Variants in PRKD1 observed in about 807,000 individuals in gnomAD.
PRKD1 encodes serine/threonine-protein kinase D1.
PRKD1 carries 63 observed loss-of-function variants against 95.9 expected under a neutral mutation model. The ratio of observed to expected loss-of-function variants is 0.66; its 90% CI spans 0.54 to 0.81. The LOEUF is 0.81. Ranked by LOEUF, PRKD1 falls within the 30% of genes least tolerant of loss-of-function variation. PRKD1 has a pLI of 0.00. For missense variants in PRKD1, 1,048 were observed against 1,165.3 expected (o/e 0.90, Z 1.47); for synonymous variants, 425 against 423.1 (o/e 1.00, Z -0.05).
chr14:29,821,525 G>A (rs1890910301), intron 1 of PRKD1, among the ~76,000 whole-genome samples: 1 of 152,136 alleles, frequency 6.6e-6, no homozygotes, highest in African/African-American at 2.4e-5. Flanking sequence ...CAGAGTTCAA[G>A]TTAAGTTCTC....
At chr14:29,801,467 C>T (rs1254187425) in intron 1 of PRKD1, among the ~76,000 whole-genome samples, 1 of 152,144 alleles carries the variant, frequency 6.6e-6, no homozygotes, top group Admixed American at 6.5e-5. Flanking sequence ...GGAAAAAGAA[C>T]CACTTGAGGC....
chr14:29,651,415 A>T (rs1419615490), intron 4 of PRKD1, among the ~76,000 whole-genome samples: 2 of 152,222 alleles, frequency 1.3e-5, no homozygotes, highest in Non-Finnish European at 2.9e-5. Context: ...TAAAATGGCA[A>T]CATCATCACT....
In PRKD1 at chr14:29,886,066, A is replaced by C. The variant is rs191934343; in HGVS notation, c.264+41183T>G. Among the ~76,000 whole-genome samples, 153 of 152,328 alleles carry C rather than the reference A, an allele frequency of 1.0e-3. 1 individual carries two copies. The highest frequency in any genetic ancestry group is 5.0e-4 in the Non-Finnish European group (34 of 68,024). The stretch of plus-strand genomic sequence containing the variant: ...TATAAGAAAATACTCTCCGGTATCC[A>C]CACAAAGCCCCTTCACGTAGCAGTG... On this transcript the variant is annotated intron_variant, in intron 1 of 17. Transcript: ENST00000331968.
chr14:29,769,999 A>G (rs1398344758), intron 1 of PRKD1, among the ~76,000 whole-genome samples: 1 of 152,194 alleles, frequency 6.6e-6, no homozygotes, highest in African/African-American at 2.4e-5. Context: ...TGGAGCCCTC[A>G]TGAATGGGAT....
chr14:29,852,168 C>A (rs1368018713), intron 1 of PRKD1, among the ~76,000 whole-genome samples: 1 of 152,038 alleles, frequency 6.6e-6, no homozygotes, highest in African/African-American at 2.4e-5. Flanking sequence ...AATCATGCCA[C>A]AAACCTCAGC....
intron 12 of PRKD1, 148 bp from the exon 13 acceptor site, chr14:29,624,406 A>T: frequency 2.4e-6 from 1 of 423,146 alleles, no homozygotes; most frequent in Non-Finnish European, 4.1e-6. Context: ...TTACATATAT[A>T]TATATAAAGA....
intron 2 of PRKD1, among the ~76,000 whole-genome samples, chr14:29,707,834 C>T (rs1885162037): frequency 1.3e-5 from 2 of 152,052 alleles, no homozygotes; most frequent in South Asian, 4.1e-4. Context: ...GTTGATGTTC[C>T]ATCCTGGACT....
At chr14:29,647,099 C>T (rs910303859) in intron 4 of PRKD1, among the ~76,000 whole-genome samples, 2 of 152,028 alleles carry the variant, frequency 1.3e-5, no homozygotes, top group African/African-American at 2.4e-5. Flanking sequence ...AAAATATGTG[C>T]CCACTGCTTA....
At chr14:29,913,030 T>C (rs1410490863) in intron 1 of PRKD1, among the ~76,000 whole-genome samples, 2 of 152,262 alleles carry the variant, frequency 1.3e-5, no homozygotes, top group Non-Finnish European at 2.9e-5. Context: ...AAAAGAGCAT[T>C]GAAACTACTT....
intron 1 of PRKD1, among the ~76,000 whole-genome samples, chr14:29,900,641 AAAAC>A (rs1894289357): frequency 6.6e-6 from 1 of 152,210 alleles, no homozygotes; most frequent in African/African-American, 2.4e-5. Context: ...AACAAGCAAA[AAAAC>A]AAACAATCCA....
intron 2 of PRKD1, among the ~76,000 whole-genome samples, chr14:29,671,446 T>C (rs534903041): frequency 2.0e-3 from 304 of 152,256 alleles, no homozygotes; most frequent in African/African-American, 6.9e-3. Flanking sequence ...AACAGAAGGC[T>C]TTTCAGCTGG....
At chr14:29,877,238 G>C (rs1893333479) in intron 1 of PRKD1, among the ~76,000 whole-genome samples, 1 of 152,162 alleles carries the variant, frequency 6.6e-6, no homozygotes. Context: ...CTGCAACCCT[G>C]GTACACTGCT....
chr14:29,712,953 T>C (rs1885405598), intron 2 of PRKD1, among the ~76,000 whole-genome samples: 1 of 152,114 alleles, frequency 6.6e-6, no homozygotes, highest in African/African-American at 2.4e-5. Context: ...ACAAAAATAA[T>C]TAATGTCCAT....
intron 2 of PRKD1, among the ~76,000 whole-genome samples, chr14:29,716,235 A>G (rs1161252823): frequency 6.6e-6 from 1 of 152,220 alleles, no homozygotes; most frequent in Non-Finnish European, 1.5e-5. Flanking sequence ...TTTCTGGCTG[A>G]AAATCCACTT....
chr14:29,852,027 C>T (rs540004457), intron 1 of PRKD1, among the ~76,000 whole-genome samples: 2 of 152,190 alleles, frequency 1.3e-5, no homozygotes, highest in East Asian at 1.9e-4. Flanking sequence ...GGGAGCTAAA[C>T]ACTGGGTACA....
At chr14:29,695,501 T>C (rs1190083256) in intron 2 of PRKD1, among the ~76,000 whole-genome samples, 1 of 151,934 alleles carries the variant, frequency 6.6e-6, no homozygotes, top group African/African-American at 2.4e-5. Flanking sequence ...GGAGCAGAGG[T>C]AGAGTATGAA....
At chr14:29,599,882 G>C in intron 13 of PRKD1, 65 bp from the exon 14 acceptor site, 1 of 1,457,814 alleles carries the variant, frequency 6.9e-7, no homozygotes, top group Non-Finnish European at 9.3e-7. Flanking sequence ...CAAGCTCGCT[G>C]ATTATACAAA....
intron 4 of PRKD1, among the ~76,000 whole-genome samples, chr14:29,640,024 T>C (rs45458792): frequency 0.028 from 4,285 of 152,316 alleles, 182 homozygotes; most frequent in African/African-American, 0.091. Flanking sequence ...TAAGATAAAC[T>C]GAATTACTTT....
At chr14:29,896,641 G>A (rs1894137027) in intron 1 of PRKD1, among the ~76,000 whole-genome samples, 1 of 151,626 alleles carries the variant, frequency 6.6e-6, no homozygotes, top group African/African-American at 2.4e-5. Flanking sequence ...TCATTAAGAT[G>A]GCCAGGCCTT....
Sources: allele counts gnomAD v4.1 joint callset (sites outside exome capture counted in the v4.1 genomes callset), GRCh38; gene constraint gnomAD v4.1.1; transcripts MANE v1.5; gene names NCBI Gene and HGNC (gene_info 2026-07-23, HGNC 2026-07-21).